Variants in RGS3 observed in about 807,000 individuals in gnomAD.
RGS3 encodes regulator of G protein signaling 3.
In RGS3, 80 loss-of-function variants were observed where a neutral mutation model predicts 132.6. That is an observed-to-expected ratio of 0.60 (90% CI 0.50 to 0.73). RGS3 has a LOEUF of 0.73. RGS3 is among the 30% of genes least tolerant of loss of function. The pLI is 0.00. For missense variants in RGS3, 1,382 were observed against 1,530.8 expected, an observed-to-expected ratio of 0.90 and a Z score of 1.62; for synonymous variants, 598 against 620.6, an observed-to-expected ratio of 0.96 and a Z score of 0.54.
chr9:113,548,949 C>T (rs926994644), intron 19 of RGS3, among the ~76,000 whole-genome samples: 2 of 152,208 alleles, frequency 1.3e-5, no homozygotes, highest in Non-Finnish European at 2.9e-5. Flanking sequence ...GCCCTGACCT[C>T]AGCCAGCCGG....
chr9:113,573,537 C>T (rs1834379348), intron 19 of RGS3, among the ~76,000 whole-genome samples: 1 of 152,236 alleles, frequency 6.6e-6, no homozygotes, highest in South Asian at 2.1e-4. Context: ...AGGCTGACCT[C>T]ATGACTGCAG....
chr9:113,457,248 C>T (rs1267569850), upstream of RGS3, among the ~76,000 whole-genome samples: 1 of 152,186 alleles, frequency 6.6e-6, no homozygotes, highest in Non-Finnish European at 1.5e-5. Context: ...GTTCTTTCTG[C>T]CTGTAACCCT....
At chr9:113,556,290 C>G (rs1426419890) in intron 19 of RGS3, among the ~76,000 whole-genome samples, 1 of 152,156 alleles carries the variant, frequency 6.6e-6, no homozygotes, top group Non-Finnish European at 1.5e-5. Context: ...TAAGTCCTTT[C>G]AGTCTGAAGA....
chr9:113,595,596 C>T lies in RGS3; in HGVS notation c.3245-3C>T. On this transcript the variant is annotated splice_region_variant and splice_polypyrimidine_tract_variant and intron_variant, in intron 23 of 24. Transcript: ENST00000350696. The stretch of plus-strand genomic sequence containing the variant: ...CTTACCCCAGGATCCGTTCTCCTCA[C>T]AGACGGGTTAGCAGTGTTCCAAGCC... The T allele has an allele frequency of 6.2e-7, 1 of 1,613,746 alleles. No homozygotes were observed. Among genetic ancestry groups the T allele is most frequent in the East Asian group, 2.2e-5 (1 of 44,874 alleles).
chr9:113,496,195 T>C (rs1011069856), intron 8 of RGS3, among the ~76,000 whole-genome samples: 1 of 152,158 alleles, frequency 6.6e-6, no homozygotes, highest in Non-Finnish European at 1.5e-5. Flanking sequence ...GGTGCACCCG[T>C]GGTCCGTTCC....
At position 113,463,667 on chromosome 9, in the gene RGS3, C is replaced by T. The variant is rs1208290207; in HGVS notation, c.415+1466C>T. 4 of 1,397,226 alleles carry T rather than the reference C, an allele frequency of 2.9e-6. No homozygotes were observed. Among genetic ancestry groups the T allele is most frequent in the Admixed American group, 3.3e-5 (1 of 30,648 alleles). The allele number at this position is 1,397,226 out of a possible 1,614,324, so 86.6% of individuals were successfully genotyped here. On this transcript the variant is annotated intron_variant, in intron 3 of 24. Transcript: ENST00000350696. This position sits in a 1 kb window ranked among gnomAD's most constrained non-coding sequence, Gnocchi z 4.6. ...CGCGCGGGCCAATCAGGGCCGGGCG[C>T]GCCCTGGCCGTTCCAACGCTTGGGG...
At chr9:113,453,144 TGATTATATAATATACTC>T (rs1475252990) in intron 1 of RGS3, among the ~76,000 whole-genome samples, 3,179 of 132,212 alleles carry the variant, frequency 0.024, 93 homozygotes, top group South Asian at 0.059. Flanking sequence ...TATACTCATA[TGATTATATAATATACTC>T]ATATGATTAT....
chr9:113,541,187 G>A, intron 19 of RGS3: 1 of 866,932 alleles, frequency 1.2e-6, no homozygotes, highest in Non-Finnish European at 1.8e-6. Flanking sequence ...CATCTCCACT[G>A]GGGCCACTAG....
chr9:113,495,897 G>A (rs371011370), intron 8 of RGS3, 51 bp downstream of exon 6: 92 of 1,485,356 alleles, frequency 6.2e-5, no homozygotes, highest in Non-Finnish European at 8.5e-5. Context: ...GGCCGGGGCT[G>A]GTACAGGCAG....
At chr9:113,482,888 G>T in intron 4 of RGS3, 171 bp from the exon 3 acceptor site, 2 of 1,465,346 alleles carry the variant, frequency 1.4e-6, no homozygotes, top group African/African-American at 2.8e-5. Flanking sequence ...TGGTGGTTAT[G>T]CAGATTAAGG....
intron 3 of RGS3, among the ~76,000 whole-genome samples, chr9:113,465,292 T>G (rs1471195705): frequency 6.6e-6 from 1 of 152,194 alleles, no homozygotes; most frequent in Non-Finnish European, 1.5e-5. Flanking sequence ...TTTGCTTTTT[T>G]CCTCCTTATT....
At position 113,506,030 on chromosome 9, in the gene RGS3, C is replaced by T. The variant is rs372518841; in HGVS notation, c.980-358C>T. ...CATGAGGTTCGTGCACAATGATTGG[C>T]AGAGAAGGAATAAATGTAGTGTGGG... On this transcript the variant is annotated intron_variant, in intron 11 of 24. Coordinates refer to ENST00000350696, the Ensembl canonical transcript of RGS3. The surrounding 1 kb of genome is among the most constrained non-coding windows in gnomAD (Gnocchi z 4.7). Among the ~76,000 whole-genome samples the T allele has an allele frequency of 1.3e-5, 2 of 152,194 alleles. No individual in the cohort carries two copies. The highest frequency in any genetic ancestry group is 4.8e-5 in the African/African-American group (2 of 41,516).
exon 1 of RGS3, chr9:113,444,822 A>G (rs1465792695): frequency 6.6e-6 from 1 of 152,162 alleles, no homozygotes; most frequent in Non-Finnish European, 1.5e-5. Context: ...ATACCCTTAG[A>G]CTGAAAGGAA....
chr9:113,581,019 C>T (rs1834778353), intron 19 of RGS3: 6 of 969,578 alleles, frequency 6.2e-6, no homozygotes, highest in Non-Finnish European at 7.4e-6. Flanking sequence ...GGTGGCTGGG[C>T]CAGGGGGTGG....
chr9:113,484,611 C>T (rs976261697), intron 6 of RGS3, among the ~76,000 whole-genome samples: 2 of 152,196 alleles, frequency 1.3e-5, no homozygotes, highest in Non-Finnish European at 2.9e-5. Flanking sequence ...TCCCTGCCCC[C>T]CTTTTTACTT....
chr9:113,482,358 A>G lies in RGS3; in HGVS notation c.467-701A>G, dbSNP rs1349121758. On this transcript the variant is annotated intron_variant, in intron 4 of 24. Coordinates refer to ENST00000350696, the Ensembl canonical transcript of RGS3. ...ACTACCATGTGAAGTGCATGTTATTATCACTAAACCATTAAAAATGGCAAA... is the reference window on the plus strand; with the variant it reads ...ACTACCATGTGAAGTGCATGTTATTGTCACTAAACCATTAAAAATGGCAAA... 2.6e-5 allele frequency among the ~76,000 whole-genome samples: 4 copies of G among 152,236 alleles called. No homozygotes were observed. In the East Asian group the frequency reaches 7.7e-4, roughly 29 times the overall value.
intron 19 of RGS3, among the ~76,000 whole-genome samples, chr9:113,551,437 T>A (rs912251409): frequency 6.6e-6 from 1 of 152,240 alleles, no homozygotes; most frequent in Non-Finnish European, 1.5e-5. Flanking sequence ...TACATATATG[T>A]GTGCAAGTTT....
intron 23 of RGS3, chr9:113,595,186 T>C (rs1023126631): frequency 1.7e-6 from 1 of 602,632 alleles, no homozygotes; most frequent in Non-Finnish European, 3.0e-6. Context: ...TCCCCGTCCA[T>C]GTGAGCTGGC....
intron 19 of RGS3, chr9:113,582,146 A>T (rs1783376815): frequency 1.0e-6 from 1 of 985,308 alleles, no homozygotes; most frequent in Non-Finnish European, 1.2e-6. Flanking sequence ...ACTGACTCCC[A>T]GCTGTGGGGC....
Sources: gnomAD v4.1 joint callset for allele counts (sites outside exome capture counted in the v4.1 genomes callset) on GRCh38, gnomAD v4.1.1 for gene constraint, Gnocchi (gnomAD v3.1) non-coding constraint, MANE v1.5 for transcripts, NCBI Gene and HGNC (gene_info 2026-07-23, HGNC 2026-07-21) for gene names.